Variants in GNA14 observed in about 807,000 individuals in gnomAD.
The protein encoded by GNA14 is G protein subunit alpha 14.
GNA14 carries 50 observed loss-of-function variants against 42.0 expected under a neutral mutation model. The observed-to-expected ratio is 1.19, with a 90% CI of 0.95 to 1.51. GNA14 has a LOEUF of 1.51. GNA14 is among the 40% of genes most tolerant of loss of function. GNA14 has a pLI of 0.00. For synonymous variants in GNA14, 173 were observed against 163.1 expected, an observed-to-expected ratio of 1.06 and a Z score of -0.46; for missense variants, 473 against 446.2, an observed-to-expected ratio of 1.06 and a Z score of -0.54.
intron 1 of GNA14, among the ~76,000 whole-genome samples, chr9:77,534,782 G>A (rs1837574313): frequency 6.6e-6 from 1 of 152,070 alleles, no homozygotes; most frequent in Non-Finnish European, 1.5e-5. Flanking sequence ...CTCGTTTCCT[G>A]ATATCTTTGG....
intron 1 of GNA14, among the ~76,000 whole-genome samples, chr9:77,619,211 TTTTG>T (rs1823883484): frequency 6.6e-6 from 1 of 151,986 alleles, no homozygotes; most frequent in Non-Finnish European, 1.5e-5. Context: ...AACGAGTTTG[TTTTG>T]TTTGTTTTGA....
intron 1 of GNA14, among the ~76,000 whole-genome samples, chr9:77,645,022 A>T (rs1399172677): frequency 6.6e-6 from 1 of 152,192 alleles, no homozygotes; most frequent in East Asian, 1.9e-4. Flanking sequence ...AACATCTTGC[A>T]ATTATTAGCC....
At chr9:77,488,784 T>TAAAAAAAAAAAAAAAAAAAAAAAAAGA (rs67416479) in intron 2 of GNA14, among the ~76,000 whole-genome samples, 1 of 53,684 alleles carries the variant, frequency 1.9e-5, no homozygotes, top group Non-Finnish European at 3.2e-5. Context: ...CACACCTAAT[T>TAAAAAAAAAAAAAAAAAAAAAAAAAGA]AAAAAAAAAA....
At chr9:77,554,759 T>C (rs1445063714) in intron 1 of GNA14, among the ~76,000 whole-genome samples, 2 of 152,214 alleles carry the variant, frequency 1.3e-5, no homozygotes, top group Non-Finnish European at 2.9e-5. Flanking sequence ...CTCACAGACA[T>C]GGAGTTTATT....
At chr9:77,629,318 T>C (rs1468581361) in intron 1 of GNA14, among the ~76,000 whole-genome samples, 1 of 152,206 alleles carries the variant, frequency 6.6e-6, no homozygotes, top group Non-Finnish European at 1.5e-5. Flanking sequence ...GAAGACAGTG[T>C]AGCGACTCCT....
chr9:77,522,762 C>T (rs1482641827), intron 2 of GNA14, among the ~76,000 whole-genome samples: 1 of 152,096 alleles, frequency 6.6e-6, no homozygotes, highest in Non-Finnish European at 1.5e-5. Context: ...CGTAGCAGCC[C>T]CACAGGTGAT....
In GNA14 at chr9:77,573,633, T is replaced by C. The variant is rs1300993394; in HGVS notation, c.125-44380A>G. ...AGGAGGGAAGGCAAAGGATGAGCAATACACTGAGGGGAAATCTTGCACCAA... is the reference window on the plus strand; with the variant it reads ...AGGAGGGAAGGCAAAGGATGAGCAACACACTGAGGGGAAATCTTGCACCAA... On this transcript the variant is annotated intron_variant, in intron 1 of 6. Transcript: ENST00000341700. Among the ~76,000 whole-genome samples the C allele has an allele frequency of 5.4e-4, 82 of 152,082 alleles. 1 individual carries two copies. The highest frequency in any genetic ancestry group is 5.4e-3 in the Admixed American group (82 of 15,268).
Position 77,619,056 on chromosome 9 carries a change from C to G in GNA14, c.124+28614G>C, listed in dbSNP as rs544366522. On this transcript the variant is annotated intron_variant, in intron 1 of 6. Coordinates refer to ENST00000341700, the MANE Select transcript of GNA14 (RefSeq NM_004297.4). ...TTACATGTGTGGCTCACATTTGCAT[C>G]TCACATTCTATTTCCATTGGACAGC... Among the ~76,000 whole-genome samples the G allele has an allele frequency of 2.6e-5, 4 of 152,266 alleles. No homozygotes were observed. In the East Asian group the frequency reaches 7.7e-4, roughly 29 times the overall value.
At chr9:77,494,140 C>CAA (rs1836832570) in intron 2 of GNA14, among the ~76,000 whole-genome samples, 1 of 152,048 alleles carries the variant, frequency 6.6e-6, no homozygotes, top group Non-Finnish European at 1.5e-5. Flanking sequence ...CCATGCTGGT[C>CAA]TCGAACTCCT....
At chr9:77,514,089 G>A (rs187112000) in intron 2 of GNA14, among the ~76,000 whole-genome samples, 3 of 152,200 alleles carry the variant, frequency 2.0e-5, no homozygotes, top group African/African-American at 7.2e-5. Context: ...AGCTAAGCAT[G>A]GCCAATCCCA....
intron 2 of GNA14, among the ~76,000 whole-genome samples, chr9:77,463,858 T>C (rs1005633965): frequency 1.3e-5 from 2 of 152,200 alleles, no homozygotes; most frequent in African/African-American, 4.8e-5. Context: ...TGTCTGGCTT[T>C]ATGTGGGTAA....
intron 2 of GNA14, among the ~76,000 whole-genome samples, chr9:77,480,193 T>G (rs569124884): frequency 6.6e-6 from 1 of 152,206 alleles, no homozygotes. Flanking sequence ...GGGTTTGTCA[T>G]AGATAGCTCT....
chr9:77,457,817 T>A (rs1223263033), intron 2 of GNA14, among the ~76,000 whole-genome samples: 2 of 152,198 alleles, frequency 1.3e-5, no homozygotes, highest in African/African-American at 4.8e-5. Flanking sequence ...GCTTACAGAT[T>A]TTTAAATAAA....
chr9:77,634,331 T>C (rs1024529983), intron 1 of GNA14, among the ~76,000 whole-genome samples: 7 of 145,858 alleles, frequency 4.8e-5, no homozygotes, highest in Non-Finnish European at 1.0e-4. Flanking sequence ...AGTGAGAGGA[T>C]CCCTTGAACC....
intron 1 of GNA14, among the ~76,000 whole-genome samples, chr9:77,621,468 A>G (rs1823920304): frequency 6.6e-6 from 1 of 152,250 alleles, no homozygotes; most frequent in Admixed American, 6.5e-5. Flanking sequence ...ACACACACAG[A>G]ATAAATTGGC....
At chr9:77,494,734 G>A (rs1362999293) in intron 2 of GNA14, among the ~76,000 whole-genome samples, 1 of 152,194 alleles carries the variant, frequency 6.6e-6, no homozygotes, top group Non-Finnish European at 1.5e-5. Flanking sequence ...ACCAATGAGA[G>A]AAGAAAGGGC....
intron 1 of GNA14, among the ~76,000 whole-genome samples, chr9:77,623,228 A>G (rs1428009213): frequency 4.9e-5 from 5 of 101,046 alleles, no homozygotes; most frequent in African/African-American, 4.4e-4. Flanking sequence ...AAAAAAAAAA[A>G]AAAAAAAAAA....
intron 2 of GNA14, among the ~76,000 whole-genome samples, chr9:77,467,168 C>T (rs1836250260): frequency 6.6e-6 from 1 of 151,904 alleles, no homozygotes; most frequent in African/African-American, 2.4e-5. Flanking sequence ...CAGAGTGGGG[C>T]AGGTGCCCAG....
At chr9:77,583,373 T>C (rs1379984258) in intron 1 of GNA14, among the ~76,000 whole-genome samples, 1 of 152,214 alleles carries the variant, frequency 6.6e-6, no homozygotes, top group Non-Finnish European at 1.5e-5. Context: ...GGAAAAGCTC[T>C]GGCAACAGAA....
Sources: gnomAD v4.1 joint callset for allele counts (sites outside exome capture counted in the v4.1 genomes callset) on GRCh38, gnomAD v4.1.1 for gene constraint, MANE v1.5 for transcripts, NCBI Gene and HGNC (gene_info 2026-07-23, HGNC 2026-07-21) for gene names.